Variants in BRCA1 observed in about 807,000 individuals in gnomAD.
The protein encoded by BRCA1 is BRCA1 DNA repair associated.
A neutral mutation model predicts 173.7 loss-of-function variants in BRCA1; 140 were observed. The observed-to-expected ratio is 0.81, with a 90% CI of 0.70 to 0.93. The LOEUF (loss-of-function observed/expected upper bound fraction) is 0.93, where lower values mean the gene tolerates loss of function less well. Among genes scored for constraint, BRCA1 ranks in the 40% least tolerant of loss-of-function variants. The pLI, the probability that BRCA1 is intolerant of heterozygous loss-of-function variation, is 0.00. For synonymous variants in BRCA1, 662 were observed against 756.0 expected, an observed-to-expected ratio of 0.88 and a Z score of 2.04; for missense variants, 1,983 against 2,172.5, an observed-to-expected ratio of 0.91 and a Z score of 1.73.
intron 6 of BRCA1, among the ~76,000 whole-genome samples, chr17:43,100,558 G>GTGTA (rs1280446904): frequency 1.9e-4 from 7 of 35,912 alleles, no homozygotes; most frequent in African/African-American, 6.3e-4. Context: ...GTGTGTGTGT[G>GTGTA]TATATATATA....
intron 20 of BRCA1, 66 bp from the exon 21 acceptor site, chr17:43,049,260 C>G: frequency 7.0e-7 from 1 of 1,419,694 alleles, no homozygotes; most frequent in African/African-American, 1.4e-5. Context: ...GCCCTCTACC[C>G]TACACTCTCC....
intron 14 of BRCA1, among the ~76,000 whole-genome samples, chr17:43,072,839 C>T (rs922844486): frequency 1.2e-4 from 18 of 151,596 alleles, no homozygotes; most frequent in African/African-American, 4.1e-4. Context: ...GCTGGGATTA[C>T]AGGCGTAAGC....
chr17:43,052,945 C>A (rs1427655955), intron 19 of BRCA1, among the ~76,000 whole-genome samples: 2 of 150,070 alleles, frequency 1.3e-5, no homozygotes, highest in Non-Finnish European at 3.0e-5. Context: ...GGTGCCATCT[C>A]GGCTCACTGC....
chr17:43,159,095 A>G (rs1368632376), intron 1 of BRCA1, among the ~76,000 whole-genome samples: 4 of 152,022 alleles, frequency 2.6e-5, no homozygotes, highest in African/African-American at 9.7e-5. Context: ...AAACACACAC[A>G]CACAAATTAG....
chr17:43,139,625 A>G (rs1438280679), intron 1 of BRCA1, among the ~76,000 whole-genome samples: 1 of 152,070 alleles, frequency 6.6e-6, no homozygotes, highest in Non-Finnish European at 1.5e-5. Context: ...AAGTGCTGGG[A>G]TTACAGGCGT....
intron 15 of BRCA1, among the ~76,000 whole-genome samples, chr17:43,069,150 C>T (rs1438099633): frequency 6.6e-6 from 1 of 152,220 alleles, no homozygotes; most frequent in East Asian, 1.9e-4. Context: ...GCTAGAGAAG[C>T]TAATGACATC....
At chr17:43,107,285 C>T (rs1432469223) in intron 3 of BRCA1, among the ~76,000 whole-genome samples, 1 of 151,388 alleles carries the variant, frequency 6.6e-6, no homozygotes, top group Non-Finnish European at 1.5e-5. Flanking sequence ...GGATGGTCTC[C>T]ATCTCCTGAC....
intron 6 of BRCA1, among the ~76,000 whole-genome samples, chr17:43,101,729 T>G (rs534075660): frequency 6.6e-6 from 1 of 152,058 alleles, no homozygotes; most frequent in African/African-American, 2.4e-5. Context: ...CTCAAACTCC[T>G]GACCTCAAAT....
At chr17:43,090,912 C>G (rs1207412157) in intron 11 of BRCA1, 32 bp downstream of exon 11, 2 of 1,563,338 alleles carry the variant, frequency 1.3e-6, no homozygotes, top group African/African-American at 2.7e-5. Flanking sequence ...ACACCACACA[C>G]ACGCATGTGC....
chr17:43,126,708 C>G (rs799907), upstream of BRCA1, among the ~76,000 whole-genome samples: 20,557 of 152,258 alleles, frequency 0.14, 4,391 homozygotes, highest in African/African-American at 0.45. Context: ...TCGCTCTCGG[C>G]GCCTCCTCGG....
rs80357419 is a variant in BRCA1, at chr17:43,092,791, C to G, written c.2740G>C (p.Glu914Gln). The change falls in exon 10 of 23, where the codon GAG becomes CAG. Residue 914 changes from glutamate to glutamine, a missense_variant. Transcript: ENST00000357654. The part of the protein sequence containing the change: ...EQKEENQGKN[E>Q]SNIKPVQTVN... Reference sequence around the variant, plus strand: ...GTCTGTACAGGCTTGATATTAGACTCATTCTTTCCTTGATTTTCTTCCTTT... The same window carrying G: ...GTCTGTACAGGCTTGATATTAGACTGATTCTTTCCTTGATTTTCTTCCTTT... The G allele has an allele frequency of 1.2e-6, 2 of 1,613,980 alleles. No individual in the cohort carries two copies. Among genetic ancestry groups the G allele is most frequent in the Non-Finnish European group, 1.7e-6 (2 of 1,179,946 alleles).
chr17:43,138,077 C>A, intron 1 of BRCA1: 1 of 159,202 alleles, frequency 6.3e-6, no homozygotes, highest in Admixed American at 6.0e-5. Flanking sequence ...ATTCCAGCTA[C>A]TAGGGAGGCT....
upstream of BRCA1, among the ~76,000 whole-genome samples, chr17:43,127,987 G>C (rs1437111346): frequency 7.6e-6 from 1 of 130,988 alleles, no homozygotes; most frequent in African/African-American, 3.1e-5. Context: ...TTGCACCACT[G>C]CATTCCAGCC....
In BRCA1 at chr17:43,115,501, C is replaced by CA. The variant is rs35149296; in HGVS notation, c.134+224dup. Among the ~76,000 whole-genome samples, 4,960 of 123,182 alleles carry CA rather than the reference C, an allele frequency of 0.04. 284 individuals are homozygous for CA. Among genetic ancestry groups the CA allele is most frequent in the African/African-American group, 0.14 (4,646 of 32,982 alleles). 80.8% of individuals were successfully genotyped at this position (123,182 alleles called of 152,430 possible). On this transcript the variant is annotated intron_variant, in intron 3 of 22. Coordinates refer to ENST00000357654, the MANE Select transcript of BRCA1 (RefSeq NM_007294.4). ...TGGGCGACAGAGCGAGACTTTGTCT[C>CA]AAAAAAAAAAAAAAAGATAATATAT...
rs766004110 is a variant in BRCA1 at position 43,124,028 on chromosome 17, C to T, written c.69G>A (p.Glu23=). Residue 23 remains glutamate (E), a synonymous_variant, in exon 2 of 23, where the codon GAG becomes GAA. Coordinates refer to ENST00000357654, the MANE Select transcript of BRCA1 (RefSeq NM_007294.4). ...NVINAMQKIL[E]CPICLELIKE... ...TTGTGCTGACTTACCAGATGGGACA[C>T]TCTAAGATTTTCTGCATAGCATTAA... 1.2e-6 allele frequency: 2 copies of T among 1,612,198 alleles called. No homozygotes were observed. Among genetic ancestry groups the T allele is most frequent in the South Asian group, 2.2e-5 (2 of 91,044 alleles).
intron 16 of BRCA1, among the ~76,000 whole-genome samples, chr17:43,064,650 G>T (rs1270994029): frequency 3.3e-5 from 5 of 152,150 alleles, no homozygotes; most frequent in Non-Finnish European, 7.4e-5. Context: ...AGCAGCAGCA[G>T]CAGCAGCAGC....
intron 22 of BRCA1, 32 bp downstream of exon 22, chr17:43,047,611 C>T (rs2152757260): frequency 6.2e-7 from 1 of 1,613,084 alleles, no homozygotes; most frequent in Non-Finnish European, 8.5e-7. Flanking sequence ...CAAAAGGACC[C>T]CATATAGCAC....
intron 2 of BRCA1, among the ~76,000 whole-genome samples, chr17:43,121,061 C>G (rs1228806628): frequency 6.7e-6 from 1 of 148,210 alleles, no homozygotes; most frequent in African/African-American, 2.5e-5. Context: ...CAGAGCCAGA[C>G]TCCAACCCCC....
intron 2 of BRCA1, chr17:43,119,350 T>C: frequency 4.5e-6 from 1 of 222,946 alleles, no homozygotes. Flanking sequence ...GTAATACAAC[T>C]CTTGTAATCA....
Sources: gnomAD v4.1 joint callset for allele counts (sites outside exome capture counted in the v4.1 genomes callset) on GRCh38, gnomAD v4.1.1 for gene constraint, MANE v1.5 for transcripts, NCBI Gene and HGNC (gene_info 2026-07-23, HGNC 2026-07-21) for gene names.